AFG1L: variants seen among roughly 807,000 people sequenced by gnomAD.
AFG1L encodes AFG1-like ATPase.
AFG1L carries 53 observed loss-of-function variants against 62.2 expected under a neutral mutation model. The ratio of observed to expected loss-of-function variants is 0.85; its 90% CI spans 0.68 to 1.07. AFG1L has a LOEUF of 1.07. Ranked by LOEUF, AFG1L falls within the 50% of genes least tolerant of loss-of-function variation. AFG1L has a pLI of 0.00. For synonymous variants in AFG1L, 228 were observed against 210.3 expected, an observed-to-expected ratio of 1.08 and a Z score of -0.73; for missense variants, 555 against 590.5, an observed-to-expected ratio of 0.94 and a Z score of 0.62.
At chr6:108,421,630 C>G (rs1430416860) in intron 7 of AFG1L, among the ~76,000 whole-genome samples, 1 of 151,920 alleles carries the variant, frequency 6.6e-6, no homozygotes, top group Non-Finnish European at 1.5e-5. Flanking sequence ...GGACCCTGCA[C>G]CCCCCCTGTC....
intron 6 of AFG1L, among the ~76,000 whole-genome samples, chr6:108,399,963 G>A (rs1781496631): frequency 6.6e-6 from 1 of 151,518 alleles, no homozygotes; most frequent in African/African-American, 2.4e-5. Flanking sequence ...ATTTTTTGTG[G>A]AGATGGGATT....
chr6:108,362,642 A>G (rs929472433), intron 5 of AFG1L, among the ~76,000 whole-genome samples: 1 of 152,182 alleles, frequency 6.6e-6, no homozygotes, highest in Non-Finnish European at 1.5e-5. Context: ...CTTTCGTTGC[A>G]TTGATGAGGA....
intron 10 of AFG1L, among the ~76,000 whole-genome samples, chr6:108,502,181 A>G (rs1774231002): frequency 1.4e-5 from 2 of 146,484 alleles, no homozygotes; most frequent in South Asian, 5.1e-4. Context: ...TGCAGCCACC[A>G]TGCCTGGTTT....
Position 108,471,069 on chromosome 6 carries a change from C to T in AFG1L, c.891-5796C>T, listed in dbSNP as rs563389606. Among the ~76,000 whole-genome samples the T allele has an allele frequency of 3.3e-5, 5 of 152,254 alleles. No homozygotes were observed. The East Asian group carries it at 7.7e-4, about 24-fold the overall frequency. On this transcript the variant is annotated intron_variant, in intron 8 of 12. Transcript: ENST00000368977. ...AACAAGAATCTTGGTCGACCAGCAT[C>T]TTGGTCGACCATGAGGAGGGAGAAA...
At chr6:108,441,900 A>G (rs1462735309) in intron 7 of AFG1L, among the ~76,000 whole-genome samples, 1 of 151,970 alleles carries the variant, frequency 6.6e-6, no homozygotes, top group Non-Finnish European at 1.5e-5. Context: ...GTTACCCAGA[A>G]AGAGAAATTG....
intron 1 of AFG1L, among the ~76,000 whole-genome samples, chr6:108,316,421 A>G (rs1324667635): frequency 6.7e-6 from 1 of 149,194 alleles, no homozygotes; most frequent in African/African-American, 2.5e-5. Context: ...GGAAAGTTGT[A>G]TATTTAAAGG....
intron 2 of AFG1L, 130 bp from the exon 3 acceptor site, chr6:108,346,858 G>GT (rs1381838888): frequency 5.1e-5 from 34 of 669,824 alleles, no homozygotes; most frequent in Non-Finnish European, 7.7e-5. Flanking sequence ...TTTATATCAA[G>GT]TTTTTTTCTT....
At position 108,428,961 on chromosome 6, in the gene AFG1L, G is replaced by A. The variant is rs374298078; in HGVS notation, c.808-18253G>A. 2.9e-4 allele frequency among the ~76,000 whole-genome samples: 44 copies of A among 152,084 alleles called. No individual in the cohort carries two copies. In the East Asian group the frequency reaches 6.7e-3, roughly 23 times the overall value. On this transcript the variant is annotated intron_variant, in intron 7 of 12. Coordinates refer to ENST00000368977, the MANE Select transcript of AFG1L (RefSeq NM_145315.5). ...CCATTTATTTATTTTTGTTTTTGCT[G>A]TACTTGCTTTTGGGGTCTTAGTCAT...
chr6:108,486,832 A>G (rs1220941595), intron 10 of AFG1L, among the ~76,000 whole-genome samples: 4 of 151,938 alleles, frequency 2.6e-5, no homozygotes, highest in Non-Finnish European at 5.9e-5. Flanking sequence ...AGCCTCCCAA[A>G]TAGCAGGGAT....
intron 1 of AFG1L, among the ~76,000 whole-genome samples, chr6:108,306,798 A>T (rs1777214047): frequency 6.6e-6 from 1 of 152,128 alleles, no homozygotes; most frequent in African/African-American, 2.4e-5. Context: ...GACACTCTGA[A>T]AATGTGGCCC....
intron 3 of AFG1L, among the ~76,000 whole-genome samples, chr6:108,354,295 C>T (rs1342088309): frequency 1.3e-5 from 2 of 151,946 alleles, no homozygotes; most frequent in Non-Finnish European, 2.9e-5. Flanking sequence ...TAGTACTGAA[C>T]CCTATGTTTT....
At chr6:108,387,106 G>A (rs1001277362) in intron 6 of AFG1L, among the ~76,000 whole-genome samples, 1 of 152,132 alleles carries the variant, frequency 6.6e-6, no homozygotes, top group African/African-American at 2.4e-5. Context: ...TAAAGACACA[G>A]ATAGATCAAA....
At chr6:108,459,546 G>A (rs1772376954) in intron 8 of AFG1L, among the ~76,000 whole-genome samples, 1 of 152,166 alleles carries the variant, frequency 6.6e-6, no homozygotes, top group African/African-American at 2.4e-5. Context: ...GAAGTGTCTA[G>A]ACCATTATTC....
At chr6:108,349,297 A>T (rs576428319) in intron 3 of AFG1L, among the ~76,000 whole-genome samples, 1 of 152,198 alleles carries the variant, frequency 6.6e-6, no homozygotes, top group African/African-American at 2.4e-5. Flanking sequence ...CAGCCTGGGC[A>T]ACATGGCAAA....
At chr6:108,408,749 A>G (rs1338304634) in intron 7 of AFG1L, among the ~76,000 whole-genome samples, 1 of 152,188 alleles carries the variant, frequency 6.6e-6, no homozygotes, top group South Asian at 2.1e-4. Context: ...TCCAGTTCCA[A>G]TTACTCTGCC....
chr6:108,315,928 T>C (rs1441613027), intron 1 of AFG1L, among the ~76,000 whole-genome samples: 2 of 152,002 alleles, frequency 1.3e-5, no homozygotes, highest in Non-Finnish European at 2.9e-5. Context: ...GCACCTGTAG[T>C]CCCAGCTACT....
intron 10 of AFG1L, among the ~76,000 whole-genome samples, chr6:108,502,283 G>C (rs1774236826): frequency 6.6e-6 from 1 of 151,892 alleles, no homozygotes; most frequent in African/African-American, 2.4e-5. Flanking sequence ...TCGGCTCACT[G>C]TAACCTCTGC....
chr6:108,510,353 G>A lies in AFG1L; in HGVS notation c.1203+1G>A. ...CATCGATAACTTTTATGATCTCAAG[G>A]TAAGGATGTAGTACATTTTCTTAAA... On this transcript the variant is annotated splice_donor_variant, in intron 11 of 12. Transcript: ENST00000368977. LOFTEE classifies it high-confidence loss of function. 1 of 1,603,446 alleles carries A rather than the reference G, an allele frequency of 6.2e-7. No homozygotes were observed. Among genetic ancestry groups the A allele is most frequent in the Non-Finnish European group, 8.5e-7 (1 of 1,176,604 alleles).
At chr6:108,366,898 A>G (rs888920224) in intron 6 of AFG1L, among the ~76,000 whole-genome samples, 3 of 152,252 alleles carry the variant, frequency 2.0e-5, no homozygotes, top group Middle Eastern at 3.4e-3. Context: ...GAAACCACAA[A>G]TATTTCATGA....
Sources: gnomAD v4.1 joint callset for allele counts (sites outside exome capture counted in the v4.1 genomes callset) on GRCh38, gnomAD v4.1.1 for gene constraint, MANE v1.5 for transcripts, NCBI Gene and HGNC (gene_info 2026-07-23, HGNC 2026-07-21) for gene names.